MAGI2: variants seen among roughly 807,000 people sequenced by gnomAD.
MAGI2 encodes the protein membrane associated guanylate kinase, WW and PDZ domain containing 2.
A neutral mutation model predicts 133.3 loss-of-function variants in MAGI2; 35 were observed. The ratio of observed to expected loss-of-function variants is 0.26; its 90% CI spans 0.20 to 0.35. The LOEUF (loss-of-function observed/expected upper bound fraction) is 0.35, where lower values mean the gene tolerates loss of function less well. Among genes scored for constraint, MAGI2 ranks in the 10% least tolerant of loss-of-function variants. MAGI2 has a pLI of 1.00. For synonymous variants in MAGI2, 729 were observed against 710.6 expected (o/e 1.03, Z -0.41); for missense variants, 1,636 against 1,863.4 (o/e 0.88, Z 2.25).
chr7:79,217,425 T>G (rs2129553220), intron 1 of MAGI2, among the ~76,000 whole-genome samples: 1 of 152,234 alleles, frequency 6.6e-6, no homozygotes, highest in African/African-American at 2.4e-5. Flanking sequence ...GTGTGAGTAT[T>G]TTCTCTATGG....
At position 78,019,730 on chromosome 7, in the gene MAGI2, G is replaced by T; in HGVS notation, c.3953C>A (p.Ala1318Glu). The T allele has an allele frequency of 6.2e-7, 1 of 1,607,424 alleles. No homozygotes were observed. The highest frequency in any genetic ancestry group is 1.7e-4 in the Middle Eastern group (1 of 5,922). The stretch of plus-strand genomic sequence containing the variant: ...CGGCCGCGCGGCCCTCTGCGGACTC[G>T]CCGAGCGCTCCCTCTGCTCCCCGAG... ...QRLGEQRERS[A>E]SPQRAARPRL... The change falls in exon 22 of 22, where the codon GCG becomes GAG. Residue 1318 changes from alanine (A) to glutamate (E), a missense_variant. This residue lies in a region of MAGI2 where 354 missense variants were observed against 298.7 expected (regional missense o/e 1.19). Coordinates refer to ENST00000354212, the MANE Select transcript of MAGI2 (RefSeq NM_012301.4).
chr7:78,132,827 A>G (rs1405775213), intron 18 of MAGI2, 62 bp downstream of exon 18: 37 of 1,612,150 alleles, frequency 2.3e-5, no homozygotes, highest in Non-Finnish European at 3.0e-5. Flanking sequence ...CTGTCCCCAA[A>G]TACTCCCTCC....
At position 78,781,160 on chromosome 7, in the gene MAGI2, C is replaced by T. The variant is rs186980620; in HGVS notation, c.419-153921G>A. On this transcript the variant is annotated intron_variant, in intron 2 of 21. Coordinates refer to ENST00000354212, the MANE Select transcript of MAGI2 (RefSeq NM_012301.4). ...CTGGGAGGCTGAGGCGGGCAGATCACGAGGTCAGGAGATCGAGACCATCTT... is the reference window on the plus strand; with the variant it reads ...CTGGGAGGCTGAGGCGGGCAGATCATGAGGTCAGGAGATCGAGACCATCTT... 3.3e-5 allele frequency among the ~76,000 whole-genome samples: 5 copies of T among 152,224 alleles called. No homozygotes were observed. The East Asian group carries it at 7.8e-4, about 24-fold the overall frequency.
intron 1 of MAGI2, among the ~76,000 whole-genome samples, chr7:79,240,190 A>G (rs1832277386): frequency 1.3e-5 from 2 of 152,106 alleles, no homozygotes; most frequent in Non-Finnish European, 2.9e-5. Context: ...GAAGGGGCCC[A>G]GTGACAGTCA....
chr7:78,935,901 A>G (rs1800472998), intron 2 of MAGI2, among the ~76,000 whole-genome samples: 1 of 152,016 alleles, frequency 6.6e-6, no homozygotes, highest in South Asian at 2.1e-4. Flanking sequence ...ATTGCCCATT[A>G]TTGCAACCAT....
chr7:78,681,952 A>T (rs918812105), intron 2 of MAGI2, among the ~76,000 whole-genome samples: 4 of 152,116 alleles, frequency 2.6e-5, no homozygotes, highest in Non-Finnish European at 4.4e-5. Flanking sequence ...GCGAAAGAAT[A>T]GTCTTTAGGG....
chr7:79,306,421 C>T (rs1017374084), intron 1 of MAGI2, among the ~76,000 whole-genome samples: 3 of 151,318 alleles, frequency 2.0e-5, no homozygotes, highest in African/African-American at 7.3e-5. Context: ...CTCGTCCTTC[C>T]AAAATATTGG....
chr7:78,309,272 G>A (rs183836139), intron 9 of MAGI2, among the ~76,000 whole-genome samples: 94 of 152,252 alleles, frequency 6.2e-4, no homozygotes, highest in African/African-American at 2.2e-3. Flanking sequence ...CAATAGCGAA[G>A]ACAAGGAATC....
chr7:78,968,588 G>C (rs2115926855), intron 2 of MAGI2, among the ~76,000 whole-genome samples: 1 of 151,890 alleles, frequency 6.6e-6, no homozygotes, highest in East Asian at 1.9e-4. Flanking sequence ...ACATTTGTTT[G>C]ATCTTCATAG....
intron 6 of MAGI2, among the ~76,000 whole-genome samples, chr7:78,471,935 A>AC (rs1488557133): frequency 3.3e-5 from 5 of 151,980 alleles, no homozygotes; most frequent in Admixed American, 3.3e-4. Flanking sequence ...AAAAAAAAAA[A>AC]AGTAAGGGGA....
At chr7:78,769,359 TAAC>T (rs1825350196) in intron 2 of MAGI2, among the ~76,000 whole-genome samples, 1 of 152,056 alleles carries the variant, frequency 6.6e-6, no homozygotes, top group African/African-American at 2.4e-5. Flanking sequence ...TGAGCCCACT[TAAC>T]AACAAAGTGC....
intron 2 of MAGI2, among the ~76,000 whole-genome samples, chr7:78,913,353 C>T (rs1270262854): frequency 1.3e-5 from 2 of 152,060 alleles, no homozygotes; most frequent in Non-Finnish European, 2.9e-5. Context: ...AAGTGTGTTG[C>T]ACTTTTGCCT....
intron 1 of MAGI2, among the ~76,000 whole-genome samples, chr7:79,093,122 A>G (rs889551464): frequency 6.6e-6 from 1 of 151,948 alleles, no homozygotes; most frequent in Admixed American, 6.6e-5. Context: ...TGTTCCTTCA[A>G]TGGCTTATTC....
chr7:79,336,144 T>C (rs1051753754), intron 1 of MAGI2, among the ~76,000 whole-genome samples: 3 of 152,132 alleles, frequency 2.0e-5, no homozygotes, highest in Non-Finnish European at 4.4e-5. Context: ...GCATTTACAA[T>C]ATATTGGTTT....
chr7:79,292,828 G>A (rs1348855627), intron 1 of MAGI2, among the ~76,000 whole-genome samples: 2 of 128,724 alleles, frequency 1.6e-5, no homozygotes, highest in African/African-American at 5.6e-5. Context: ...CATTTTGATA[G>A]GGATTGCCCT....
At chr7:78,047,248 A>T (rs1811528270) in intron 21 of MAGI2, among the ~76,000 whole-genome samples, 1 of 152,094 alleles carries the variant, frequency 6.6e-6, no homozygotes, top group Non-Finnish European at 1.5e-5. Context: ...TAAAATGGGG[A>T]GTGGGTGTCA....
At chr7:78,548,664 C>T (rs1799077897) in intron 3 of MAGI2, among the ~76,000 whole-genome samples, 2 of 152,174 alleles carry the variant, frequency 1.3e-5, no homozygotes, top group Admixed American at 6.5e-5. Context: ...CACTGAACTC[C>T]AGCCTGGGTG....
intron 9 of MAGI2, among the ~76,000 whole-genome samples, chr7:78,309,706 G>A (rs550306267): frequency 6.6e-6 from 1 of 152,078 alleles, no homozygotes; most frequent in Non-Finnish European, 1.5e-5. Flanking sequence ...AATTATTGAG[G>A]TCTTTCAATA....
At chr7:78,574,333 T>C (rs917039953) in intron 3 of MAGI2, among the ~76,000 whole-genome samples, 1 of 152,236 alleles carries the variant, frequency 6.6e-6, no homozygotes, top group Non-Finnish European at 1.5e-5. Flanking sequence ...TATTCCTCCA[T>C]CCCCTTTCCT....
Sources: allele counts gnomAD v4.1 joint callset (sites outside exome capture counted in the v4.1 genomes callset), GRCh38; gene constraint gnomAD v4.1.1; regional missense constraint gnomAD v4.1.1; transcripts MANE v1.5; gene names NCBI Gene and HGNC (gene_info 2026-07-23, HGNC 2026-07-21).